The following PPP1R3G variants were observed in gnomAD, a reference collection of about 807,000 sequenced individuals.
PPP1R3G encodes protein phosphatase 1, regulatory (inhibitor) subunit 3G.
PPP1R3G carries 3 observed loss-of-function variants against 2.0 expected under a neutral mutation model. The observed-to-expected ratio is 1.47, with a 90% CI of 0.67 to 3.81. PPP1R3G has a LOEUF of 3.81. Among genes scored for constraint, PPP1R3G ranks in the 30% most tolerant of loss-of-function variants. PPP1R3G has a pLI of 0.02. For synonymous variants in PPP1R3G, 267 were observed against 250.9 expected, an observed-to-expected ratio of 1.06 and a Z score of -0.61; for missense variants, 595 against 517.0, an observed-to-expected ratio of 1.15 and a Z score of -1.46.
rs1761991303 is a variant in PPP1R3G at position 5,085,933 on chromosome 6, G to T, written c.448G>T (p.Glu150Ter). 5.2e-6 allele frequency: 8 copies of T among 1,527,956 alleles called. No individual in the cohort carries two copies. The highest frequency in any genetic ancestry group is 6.1e-6 in the Non-Finnish European group (7 of 1,144,070). 94.6% of individuals were successfully genotyped at this position (1,527,956 alleles called of 1,614,324 possible). A position where few individuals can be genotyped will look rare whatever the true frequency, so the allele number is the denominator to read the frequency against. Residue 150 changes from glutamate (E) to a stop codon, truncating the protein, a stop_gained, in exon 1 of 1, where the codon GAG (glutamate) becomes TAG (stop). Transcript: ENST00000405617. LOFTEE classifies it low-confidence loss of function (END_TRUNC). ...LSLASVKHFS[E>*]AEEPQVPPAV... ...CCTGGCCAGCGTGAAGCACTTCAGC[G>T]AGGCGGAGGAGCCGCAGGTGCCGCC...
rs528205596 is a variant in PPP1R3G at position 5,086,176 on chromosome 6, G to A, written c.691G>A (p.Ala231Thr). ...CGTGCAGTGCTCGACGGCCTCGGGC[G>A]CTGAGGTGAAGGGCTCCGGCCGGGT... is the stretch of plus-strand genomic sequence containing the variant. ...ERVQCSTASG[A>T]EVKGSGRVLS... Residue 231 changes from alanine to threonine, a missense_variant, in exon 1 of 1, where the codon GCT (alanine) becomes ACT (threonine). Coordinates refer to ENST00000405617, the MANE Select transcript of PPP1R3G (RefSeq NM_001145115.3). The A allele has an allele frequency of 3.5e-5, 54 of 1,531,772 alleles. No individual in the cohort carries two copies. The African/African-American group carries it at 7.0e-4, about 20-fold the overall frequency. 94.9% of individuals were successfully genotyped at this position (1,531,772 alleles called of 1,614,324 possible).
At position 5,086,419 on chromosome 6, in the gene PPP1R3G, C is replaced by T. The variant is rs1269296534; in HGVS notation, c.934C>T (p.Pro312Ser). 6.5e-7 allele frequency: 1 copy of T among 1,536,346 alleles called. No homozygotes were observed. Among genetic ancestry groups the T allele is most frequent in the Non-Finnish European group, 8.7e-7 (1 of 1,146,764 alleles). Residue 312 changes from proline to serine, a missense_variant, in exon 1 of 1, where the codon CCT becomes TCT. Pro to Ser is a moderately conservative substitution (Grantham distance 74, BLOSUM62 -1). Transcript: ENST00000405617. ...GCTGTGCCTGCCCCCGGGCCTGCAG[C>T]CTGAGGACGAAGAGGACGCCGACGA... Reference protein sequence around the residue: ...FSLCLPPGLQPEDEEDADERG... With the variant: ...FSLCLPPGLQSEDEEDADERG...
At position 5,086,210 on chromosome 6, in the gene PPP1R3G, G is replaced by A; in HGVS notation, c.725G>A (p.Cys242Tyr). The A allele has an allele frequency of 1.3e-6, 2 of 1,535,186 alleles. No homozygotes were observed. Among genetic ancestry groups the A allele is most frequent in the Non-Finnish European group, 1.7e-6 (2 of 1,146,504 alleles). ...EVKGSGRVLS[C>Y]PGPRAVTVRY... is the part of the protein sequence containing the mutation. ...AAGGGCTCCGGCCGGGTGCTCAGCTGCCCTGGGCCCAGGGCCGTGACCGTG... is the reference window on the plus strand; with the variant it reads ...AAGGGCTCCGGCCGGGTGCTCAGCTACCCTGGGCCCAGGGCCGTGACCGTG... The change falls in exon 1 of 1, where the codon TGC (cysteine) becomes TAC (tyrosine). Residue 242 changes from cysteine (C) to tyrosine (Y), a missense_variant. Transcript: ENST00000405617.
In PPP1R3G at chr6:5,085,887, C is replaced by T; in HGVS notation, c.402C>T (p.Phe134=). Residue 134 remains phenylalanine (F), a synonymous_variant, in exon 1 of 1, where the codon TTC becomes TTT. Coordinates refer to ENST00000405617, the MANE Select transcript of PPP1R3G (RefSeq NM_001145115.3). ...CCAAGTGCAAGAAGCGGGTGCAGTT[C>T]GCGGACACGCTGGGGCTAAGCCTGG... The part of the protein sequence containing the change: ...CCAKCKKRVQ[F]ADTLGLSLAS... 1.3e-6 allele frequency: 2 copies of T among 1,531,300 alleles called. No homozygotes were observed. Among genetic ancestry groups the T allele is most frequent in the Non-Finnish European group, 1.7e-6 (2 of 1,144,528 alleles). 94.9% of individuals were successfully genotyped at this position (1,531,300 alleles called of 1,614,324 possible).
At position 5,087,517 on chromosome 6, in the gene PPP1R3G, G is replaced by C. The variant is rs1561789659; in HGVS notation, c.*955G>C. 6.6e-6 allele frequency: 1 copy of C among 152,302 alleles called. No individual in the cohort carries two copies. The highest frequency in any genetic ancestry group is 1.9e-4 in the East Asian group (1 of 5,196). The allele number at this position is 152,302 out of a possible 1,614,324, so 9.4% of individuals were successfully genotyped here. A position where few individuals can be genotyped will look rare whatever the true frequency, so the allele number is the denominator to read the frequency against. On this transcript the variant is annotated 3_prime_UTR_variant, in exon 1 of 1. Coordinates refer to ENST00000405617, the MANE Select transcript of PPP1R3G (RefSeq NM_001145115.3). ...GCGAGAGCCGGGCACGCACGCCCCG[G>C]CGCCCTTTGTGTAGGCAGAGCACAC... is the stretch of plus-strand genomic sequence containing the variant.
rs1285405599 is a variant in PPP1R3G at position 5,085,573 on chromosome 6, C to A, written c.88C>A (p.Pro30Thr). 1.3e-6 allele frequency: 2 copies of A among 1,543,958 alleles called. No individual in the cohort carries two copies. Among genetic ancestry groups the A allele is most frequent in the South Asian group, 1.2e-5 (1 of 83,922 alleles). The change falls in exon 1 of 1, where the codon CCG becomes ACG. Residue 30 changes from proline to threonine, a missense_variant. Physicochemically the swap from Pro to Thr is conservative, Grantham distance 38 (BLOSUM62 -1). Transcript: ENST00000405617. ...EAPPAEELPA[P>T]VVPCVQGGGD... is the part of the protein sequence containing the mutation. ...CCCGCCGGCCGAGGAGCTGCCCGCC[C>A]CGGTGGTCCCCTGTGTGCAGGGTGG...
In PPP1R3G at chr6:5,086,274, G is replaced by C; in HGVS notation, c.789G>C (p.Val263=). ...TFTEWRSFLD[V]PAELQPEPLE... ...CCGAGTGGCGCTCCTTCCTGGACGTGCCGGCTGAGCTGCAGCCCGAGCCGC... is the reference window on the plus strand; with the variant it reads ...CCGAGTGGCGCTCCTTCCTGGACGTCCCGGCTGAGCTGCAGCCCGAGCCGC... Residue 263 remains valine (V), a synonymous_variant, in exon 1 of 1, where the codon GTG becomes GTC. Transcript: ENST00000405617. The C allele has an allele frequency of 6.5e-7, 1 of 1,535,562 alleles. No homozygotes were observed. Among genetic ancestry groups the C allele is most frequent in the Non-Finnish European group, 8.7e-7 (1 of 1,146,700 alleles).
chr6:5,086,467 G>A lies in PPP1R3G; in HGVS notation c.982G>A (p.Ala328Thr). The change falls in exon 1 of 1, where the codon GCT becomes ACT. Residue 328 changes from alanine to threonine, a missense_variant. Ala to Thr is a moderately conservative substitution (Grantham distance 58). Transcript: ENST00000405617. ...CGAGCGCGGCGTCGCGGTCCACTTC[G>A]CTGTCTGCTACCGCTGCGCGCAGGG... is the stretch of plus-strand genomic sequence containing the variant. ...ADERGVAVHFAVCYRCAQGEY... is the reference protein window; with the variant it reads ...ADERGVAVHFTVCYRCAQGEY... 1 of 1,537,178 alleles carries A rather than the reference G, an allele frequency of 6.5e-7. No homozygotes were observed. Among genetic ancestry groups the A allele is most frequent in the Middle Eastern group, 1.7e-4 (1 of 5,976 alleles).
In PPP1R3G at chr6:5,086,785, A is replaced by G. The variant is rs554534785; in HGVS notation, c.*223A>G. 1.1e-5 allele frequency: 6 copies of G among 566,616 alleles called. No individual in the cohort carries two copies. The African/African-American group carries it at 1.1e-4, about 11-fold the overall frequency. 35.1% of individuals were successfully genotyped at this position (566,616 alleles called of 1,614,324 possible). ...CAATGCTCCGAAAGCCTCTGACCTCAGTCTTCTCGTCCGTTTGACCTTCCT... is the reference window on the plus strand; with the variant it reads ...CAATGCTCCGAAAGCCTCTGACCTCGGTCTTCTCGTCCGTTTGACCTTCCT... On this transcript the variant is annotated 3_prime_UTR_variant, in exon 1 of 1. Coordinates refer to ENST00000405617, the MANE Select transcript of PPP1R3G (RefSeq NM_001145115.3).
In PPP1R3G at chr6:5,085,925, A is replaced by T. The variant is rs1361051056; in HGVS notation, c.440A>T (p.His147Leu). ...GGGCTAAGCCTGGCCAGCGTGAAGC[A>T]CTTCAGCGAGGCGGAGGAGCCGCAG... ...TLGLSLASVK[H>L]FSEAEEPQVP... Residue 147 changes from histidine (H) to leucine (L), a missense_variant, in exon 1 of 1, where the codon CAC (histidine) becomes CTC (leucine). Physicochemically the swap from His to Leu is moderately conservative, Grantham distance 99 (BLOSUM62 -3). Coordinates refer to ENST00000405617, the MANE Select transcript of PPP1R3G (RefSeq NM_001145115.3). The T allele has an allele frequency of 1.9e-5, 29 of 1,528,252 alleles. No individual in the cohort carries two copies. The highest frequency in any genetic ancestry group is 2.5e-5 in the Non-Finnish European group (29 of 1,144,232). 94.7% of individuals were successfully genotyped at this position (1,528,252 alleles called of 1,614,324 possible).
At position 5,085,727 on chromosome 6, in the gene PPP1R3G, G is replaced by C. The variant is rs753284455; in HGVS notation, c.242G>C (p.Arg81Pro). 1 of 1,544,926 alleles carries C rather than the reference G, an allele frequency of 6.5e-7. No individual in the cohort carries two copies. Among genetic ancestry groups the C allele is most frequent in the South Asian group, 1.2e-5 (1 of 83,712 alleles). ...EELLECRRRC[R>P]ARSFSLPADP... is the part of the protein sequence containing the mutation. ...CTGCTGGAATGCCGCCGCCGCTGCCGCGCGCGCTCCTTTTCCTTGCCCGCC... is the reference window on the plus strand; with the variant it reads ...CTGCTGGAATGCCGCCGCCGCTGCCCCGCGCGCTCCTTTTCCTTGCCCGCC... Residue 81 changes from arginine to proline, a missense_variant, in exon 1 of 1, where the codon CGC (arginine) becomes CCC (proline). By Grantham distance (103) the Arg-to-Pro change is moderately radical (BLOSUM62 -2). Transcript: ENST00000405617.
At position 5,085,755 on chromosome 6, in the gene PPP1R3G, C is replaced by T. The variant is rs1237748704; in HGVS notation, c.270C>T (p.Asp90=). The T allele has an allele frequency of 2.6e-6, 4 of 1,537,272 alleles. No individual in the cohort carries two copies. In the African/African-American group the frequency reaches 4.2e-5, roughly 16 times the overall value. The change falls in exon 1 of 1, where the codon GAC becomes GAT. Residue 90 remains aspartate, a synonymous_variant. Transcript: ENST00000405617. ...CRARSFSLPA[D]PILQAAKFLQ... The stretch of plus-strand genomic sequence containing the variant: ...CGCGCTCCTTTTCCTTGCCCGCCGA[C>T]CCCATCTTGCAGGCGGCCAAGTTCC...
rs1432519588 is a variant in PPP1R3G at position 5,087,967 on chromosome 6, ACTGTTGCTTGATAGAACAGGG to A, written c.*1409_*1429del. On this transcript the variant is annotated 3_prime_UTR_variant, in exon 1 of 1. Coordinates refer to ENST00000405617, the MANE Select transcript of PPP1R3G (RefSeq NM_001145115.3). Reference sequence around the variant, plus strand: ...GTAGTCTCTAAGGAGGGACAGTTTCACTGTTGCTTGATAGAACAGGGCTGGGCATACGTACATTTGGCCCAT... The same window carrying A: ...GTAGTCTCTAAGGAGGGACAGTTTCACTGGGCATACGTACATTTGGCCCAT... The A allele has an allele frequency of 2.0e-5, 3 of 152,080 alleles. No homozygotes were observed. Among genetic ancestry groups the A allele is most frequent in the African/African-American group, 7.2e-5 (3 of 41,396 alleles). The allele number at this position is 152,080 out of a possible 1,614,324, so 9.4% of individuals were successfully genotyped here.
At position 5,085,502 on chromosome 6, in the gene PPP1R3G, C is replaced by T. The variant is rs926986115; in HGVS notation, c.17C>T (p.Ala6Val). MEPIG[A>V]RLSLEAPGPA... ...AACGGCGTCATGGAGCCCATAGGGG[C>T]GCGGCTAAGTTTGGAGGCGCCGGGA... The change falls in exon 1 of 1, where the codon GCG becomes GTG. Residue 6 changes from alanine to valine, a missense_variant. Transcript: ENST00000405617. 1.9e-5 allele frequency: 29 copies of T among 1,536,434 alleles called. No individual in the cohort carries two copies. In the Admixed American group the frequency reaches 5.1e-4, roughly 27 times the overall value.
chr6:5,086,319 G>A lies in PPP1R3G; in HGVS notation c.834G>A (p.Glu278=). 6.5e-7 allele frequency: 1 copy of A among 1,535,748 alleles called. No homozygotes were observed. The highest frequency in any genetic ancestry group is 8.7e-7 in the Non-Finnish European group (1 of 1,146,724). Residue 278 remains glutamate, a synonymous_variant, in exon 1 of 1, where the codon GAG becomes GAA. Coordinates refer to ENST00000405617, the MANE Select transcript of PPP1R3G (RefSeq NM_001145115.3). ...QPEPLEPQQP[E]APSGASEPGS... ...AGCCGCTGGAGCCACAGCAGCCAGA[G>A]GCACCGTCTGGGGCCTCCGAGCCAG... is the stretch of plus-strand genomic sequence containing the variant.
chr6:5,085,805 T>C lies in PPP1R3G; in HGVS notation c.320T>C (p.Val107Ala). ...KFLQQQQQQA[V>A]ALGGEGAEDA... Reference sequence around the variant, plus strand: ...CTGCAGCAGCAGCAGCAACAGGCGGTGGCACTGGGCGGCGAGGGGGCGGAG... The same window carrying C: ...CTGCAGCAGCAGCAGCAACAGGCGGCGGCACTGGGCGGCGAGGGGGCGGAG... The change falls in exon 1 of 1, where the codon GTG becomes GCG. Residue 107 changes from valine to alanine, a missense_variant. By Grantham distance (64) the Val-to-Ala change is moderately conservative. Coordinates refer to ENST00000405617, the MANE Select transcript of PPP1R3G (RefSeq NM_001145115.3). The C allele has an allele frequency of 6.5e-7, 1 of 1,528,828 alleles. No homozygotes were observed. The highest frequency in any genetic ancestry group is 8.8e-7 in the Non-Finnish European group (1 of 1,140,650). 94.7% of individuals were successfully genotyped at this position (1,528,828 alleles called of 1,614,324 possible).
In PPP1R3G at chr6:5,085,429, G is replaced by A; in HGVS notation, c.-57G>A. The A allele has an allele frequency of 1.5e-6, 2 of 1,318,324 alleles. No homozygotes were observed. The highest frequency in any genetic ancestry group is 1.4e-5 in the South Asian group (1 of 72,852). 81.7% of individuals were successfully genotyped at this position (1,318,324 alleles called of 1,614,324 possible). A position where few individuals can be genotyped will look rare whatever the true frequency, so the allele number is the denominator to read the frequency against. ...GCTCCTTCCACGGCCCGAGGAGTTA[G>A]TTAAGTCTCCAGAGGGGCCCGGTTC... is the stretch of plus-strand genomic sequence containing the variant. On this transcript the variant is annotated 5_prime_UTR_variant, in exon 1 of 1. Coordinates refer to ENST00000405617, the MANE Select transcript of PPP1R3G (RefSeq NM_001145115.3).
In PPP1R3G at chr6:5,086,119, C is replaced by A; in HGVS notation, c.634C>A (p.Arg212Ser). ...CCCGGGGCCGAGCGCCGCGGCCGAG[C>A]GTCTGCAGCGGCAGCGCGTGTGCCT... ...QLPGPSAAAERLQRQRVCLER... is the reference protein window; with the variant it reads ...QLPGPSAAAESLQRQRVCLER... The change falls in exon 1 of 1, where the codon CGT becomes AGT. Residue 212 changes from arginine (R) to serine (S), a missense_variant. Transcript: ENST00000405617. 1 of 1,468,290 alleles carries A rather than the reference C, an allele frequency of 6.8e-7. No homozygotes were observed. Among genetic ancestry groups the A allele is most frequent in the Non-Finnish European group, 8.9e-7 (1 of 1,119,150 alleles). 91.0% of individuals were successfully genotyped at this position (1,468,290 alleles called of 1,614,324 possible).
rs1286701271 is a variant in PPP1R3G at position 5,085,583 on chromosome 6, C to T, written c.98C>T (p.Pro33Leu). 14 of 1,545,484 alleles carry T rather than the reference C, an allele frequency of 9.1e-6. No homozygotes were observed. Among genetic ancestry groups the T allele is most frequent in the Admixed American group, 2.0e-5 (1 of 50,962 alleles). ...GAGGAGCTGCCCGCCCCGGTGGTCC[C>T]CTGTGTGCAGGGTGGCGGCGACGGC... ...PAEELPAPVV[P>L]CVQGGGDGGG... is the part of the protein sequence containing the mutation. The change falls in exon 1 of 1, where the codon CCC (proline) becomes CTC (leucine). Residue 33 changes from proline (P) to leucine (L), a missense_variant. Physicochemically the swap from Pro to Leu is moderately conservative, Grantham distance 98. Coordinates refer to ENST00000405617, the MANE Select transcript of PPP1R3G (RefSeq NM_001145115.3).
Sources: gnomAD v4.1 joint callset for allele counts on GRCh38, gnomAD v4.1.1 for gene constraint, MANE v1.5 for transcripts, NCBI Gene and HGNC (gene_info 2026-07-23, HGNC 2026-07-21) for gene names.